SHB: variants seen among roughly 807,000 people sequenced by gnomAD.
SHB encodes the protein SH2 domain containing adaptor protein B.
A neutral mutation model predicts 52.3 loss-of-function variants in SHB; 20 were observed. That is an observed-to-expected ratio of 0.38 (90% CI 0.27 to 0.56). SHB has a LOEUF of 0.56. SHB is among the 20% of genes least tolerant of loss of function. SHB has a pLI of 0.71. For synonymous variants in SHB, 397 were observed against 316.5 expected (o/e 1.25, Z -2.70); for missense variants, 825 against 723.3 (o/e 1.14, Z -1.61).
At chr9:37,930,384 T>C (rs2118471463) in intron 5 of SHB, among the ~76,000 whole-genome samples, 1 of 151,886 alleles carries the variant, frequency 6.6e-6, no homozygotes, top group Non-Finnish European at 1.5e-5. Context: ...GAGTCTGCAG[T>C]AATGGGGTGT....
intron 2 of SHB, among the ~76,000 whole-genome samples, chr9:37,997,146 G>A (rs1008682684): frequency 2.0e-5 from 3 of 152,202 alleles, no homozygotes; most frequent in South Asian, 2.1e-4. Context: ...ACTAGTCATC[G>A]AACATCTTGG....
Position 37,946,188 on chromosome 9 carries a change from C to T in SHB, c.1346+2447G>A, listed in dbSNP as rs981273568. ...GCCAGTGAGTGCAGGAGGCCAGGCA[C>T]GAGGCCCGTCCTCTACCTTCCCCAC... is the stretch of plus-strand genomic sequence containing the variant. On this transcript the variant is annotated intron_variant, in intron 5 of 5. Transcript: ENST00000377707. 8.5e-5 allele frequency among the ~76,000 whole-genome samples: 13 copies of T among 152,348 alleles called. No homozygotes were observed. In the Middle Eastern group the frequency reaches 0.01, roughly 120 times the overall value.
chr9:38,049,346 T>C (rs757324406), intron 1 of SHB, among the ~76,000 whole-genome samples: 1 of 151,958 alleles, frequency 6.6e-6, no homozygotes. Context: ...TGGTGGCTCA[T>C]GCCTGTAATC....
intron 2 of SHB, among the ~76,000 whole-genome samples, chr9:38,014,114 GC>G (rs1564101907): frequency 6.6e-6 from 1 of 152,114 alleles, no homozygotes; most frequent in Admixed American, 6.5e-5. Flanking sequence ...TTTGTACTCT[GC>G]CATCAATTCA....
chr9:37,920,489 C>A (rs1363658898), intron 5 of SHB, among the ~76,000 whole-genome samples: 1 of 152,176 alleles, frequency 6.6e-6, no homozygotes. Context: ...GCAGGGATGG[C>A]AAGTGATCTG....
intron 2 of SHB, among the ~76,000 whole-genome samples, chr9:38,003,915 C>CTG (rs1202992101): frequency 1.3e-5 from 2 of 152,198 alleles, no homozygotes; most frequent in Non-Finnish European, 2.9e-5. Flanking sequence ...GGTGGTGAGG[C>CTG]TGTTGCTGGG....
intron 1 of SHB, among the ~76,000 whole-genome samples, chr9:38,030,160 C>A (rs1821395674): frequency 6.6e-6 from 1 of 152,236 alleles, no homozygotes. Context: ...AGCTATCACA[C>A]CAGCTGCTGC....
At chr9:37,960,774 A>G (rs560129790) in intron 3 of SHB, among the ~76,000 whole-genome samples, 75 of 152,278 alleles carry the variant, frequency 4.9e-4, no homozygotes, top group African/African-American at 1.7e-3. Flanking sequence ...CAAGACACCT[A>G]GCTTAGCTCT....
At chr9:38,038,955 T>C (rs1031447092) in intron 1 of SHB, among the ~76,000 whole-genome samples, 2 of 151,978 alleles carry the variant, frequency 1.3e-5, no homozygotes, top group Admixed American at 1.3e-4. Flanking sequence ...CCCGAGGAAG[T>C]GAGGAGATGG....
chr9:38,027,929 T>A (rs1217315864), intron 1 of SHB, among the ~76,000 whole-genome samples: 1 of 148,714 alleles, frequency 6.7e-6, no homozygotes, highest in Non-Finnish European at 1.5e-5. Flanking sequence ...AGCCAAGAGG[T>A]CTCTTCTGGT....
chr9:38,007,749 C>T (rs1019361994), intron 2 of SHB, among the ~76,000 whole-genome samples: 2 of 151,712 alleles, frequency 1.3e-5, no homozygotes, highest in Non-Finnish European at 2.9e-5. Flanking sequence ...CACATCTCAG[C>T]AGTGAGACAG....
chr9:38,015,594 C>A (rs1466546150), intron 2 of SHB: 1 of 625,332 alleles, frequency 1.6e-6, no homozygotes, highest in Non-Finnish European at 2.9e-6. Context: ...CTCTCTTCTA[C>A]TAAGCAACGA....
chr9:38,025,151 C>G (rs569983769), intron 1 of SHB, among the ~76,000 whole-genome samples: 1 of 152,206 alleles, frequency 6.6e-6, no homozygotes, highest in Admixed American at 6.5e-5. Context: ...AACTGCCTCA[C>G]AGAAGAACCC....
At chr9:37,933,918 G>T (rs1028663723) in intron 5 of SHB, among the ~76,000 whole-genome samples, 12 of 152,238 alleles carry the variant, frequency 7.9e-5, no homozygotes, top group African/African-American at 2.9e-4. Context: ...GTCCCTCAGA[G>T]ACAGGAAGAC....
intron 2 of SHB, among the ~76,000 whole-genome samples, chr9:37,986,928 G>A (rs1045395345): frequency 2.0e-5 from 3 of 152,352 alleles, no homozygotes; most frequent in African/African-American, 4.8e-5. Context: ...CCACACACGC[G>A]ATCTTCCAGT....
chr9:37,993,072 G>A (rs913552713), intron 2 of SHB, among the ~76,000 whole-genome samples: 1 of 152,182 alleles, frequency 6.6e-6, no homozygotes, highest in Admixed American at 6.5e-5. Flanking sequence ...GACAGGTGAA[G>A]AGATTTTAAT....
At chr9:38,012,431 C>T (rs906357796) in intron 2 of SHB, among the ~76,000 whole-genome samples, 4 of 152,102 alleles carry the variant, frequency 2.6e-5, no homozygotes, top group African/African-American at 9.7e-5. Context: ...ATGGTGAGGA[C>T]CCAGTTAAGA....
intron 5 of SHB, among the ~76,000 whole-genome samples, chr9:37,928,829 T>G (rs1832279860): frequency 6.6e-6 from 1 of 152,186 alleles, no homozygotes; most frequent in Non-Finnish European, 1.5e-5. Flanking sequence ...CTCCAGGCTG[T>G]TTCCAAGGAC....
chr9:38,057,655 G>A (rs1386917114), intron 1 of SHB, among the ~76,000 whole-genome samples: 1 of 152,234 alleles, frequency 6.6e-6, no homozygotes, highest in Non-Finnish European at 1.5e-5. Flanking sequence ...GGGATTACCG[G>A]GCTGTCTGGC....
Sources: allele counts gnomAD v4.1 joint callset (sites outside exome capture counted in the v4.1 genomes callset), GRCh38; gene constraint gnomAD v4.1.1; transcripts MANE v1.5; gene names NCBI Gene and HGNC (gene_info 2026-07-23, HGNC 2026-07-21).